Variants in RNGTT observed in about 807,000 individuals in gnomAD.
RNGTT encodes the protein mRNA-capping enzyme.
RNGTT carries 33 observed loss-of-function variants against 79.3 expected under a neutral mutation model. That is an observed-to-expected ratio of 0.42 (90% CI 0.32 to 0.56). The LOEUF (loss-of-function observed/expected upper bound fraction) is 0.56. Among genes scored for constraint, RNGTT ranks in the 20% least tolerant of loss-of-function variants. RNGTT has a pLI of 0.17. For missense variants in RNGTT, 497 were observed against 739.1 expected, an observed-to-expected ratio of 0.67 and a Z score of 3.80; for synonymous variants, 222 against 235.9, an observed-to-expected ratio of 0.94 and a Z score of 0.54.
At chr6:88,836,515 G>A (rs1183330011) in intron 11 of RNGTT, among the ~76,000 whole-genome samples, 1 of 152,106 alleles carries the variant, frequency 6.6e-6, no homozygotes, top group African/African-American at 2.4e-5. Flanking sequence ...GTCAAGGTGG[G>A]CAGACTGCTT....
intron 13 of RNGTT, among the ~76,000 whole-genome samples, chr6:88,711,671 C>T (rs1036780325): frequency 1.3e-5 from 2 of 152,136 alleles, no homozygotes; most frequent in Admixed American, 1.3e-4. Context: ...GCCTTTACCG[C>T]TAAGGAGTTT....
chr6:88,704,246 C>G (rs552167922), intron 13 of RNGTT, among the ~76,000 whole-genome samples: 1 of 105,642 alleles, frequency 9.5e-6, no homozygotes, highest in African/African-American at 3.8e-5. Context: ...GGTGACAGAG[C>G]GAGACTCTGT....
chr6:88,717,700 A>G (rs977740584), intron 13 of RNGTT, among the ~76,000 whole-genome samples: 1 of 152,164 alleles, frequency 6.6e-6, no homozygotes, highest in Admixed American at 6.5e-5. Flanking sequence ...GAAAAGCCCC[A>G]AGAAAAGCAT....
At chr6:88,953,537 G>A (rs1785327434) in intron 1 of RNGTT, among the ~76,000 whole-genome samples, 1 of 152,140 alleles carries the variant, frequency 6.6e-6, no homozygotes, top group Non-Finnish European at 1.5e-5. Flanking sequence ...ATAAAAGTTT[G>A]AAAAACTTAT....
At chr6:88,862,414 G>C (rs1225420735) in intron 8 of RNGTT, among the ~76,000 whole-genome samples, 1 of 152,196 alleles carries the variant, frequency 6.6e-6, no homozygotes, top group Non-Finnish European at 1.5e-5. Flanking sequence ...ACACGTGGAC[G>C]TTACTGGAGG....
intron 4 of RNGTT, among the ~76,000 whole-genome samples, chr6:88,927,853 G>C (rs1483734590): frequency 6.8e-6 from 1 of 147,286 alleles, no homozygotes; most frequent in Non-Finnish European, 1.5e-5. Context: ...AAAAAAGAAA[G>C]AAAAGGAAAC....
intron 8 of RNGTT, among the ~76,000 whole-genome samples, chr6:88,879,250 C>G (rs1782616313): frequency 6.6e-6 from 1 of 152,096 alleles, no homozygotes; most frequent in South Asian, 2.1e-4. Flanking sequence ...AAAAAATAGA[C>G]AGGTGTGGTG....
intron 8 of RNGTT, among the ~76,000 whole-genome samples, chr6:88,889,184 T>C (rs1782965010): frequency 1.3e-5 from 2 of 152,162 alleles, no homozygotes; most frequent in African/African-American, 2.4e-5. Context: ...CAAATGAATA[T>C]GTCTTACCTA....
At chr6:88,946,918 T>C (rs531958547) in intron 1 of RNGTT, among the ~76,000 whole-genome samples, 1 of 124,112 alleles carries the variant, frequency 8.1e-6, no homozygotes, top group South Asian at 3.1e-4. Context: ...GGTGCCGGGA[T>C]TGCAGACGGA....
chr6:88,614,467 C>T, intron 14 of RNGTT, 72 bp from the exon 15 acceptor site: 2 of 1,427,200 alleles, frequency 1.4e-6, no homozygotes. Context: ...ATGTGACAGG[C>T]ACATTAGGAA....
In RNGTT at chr6:88,963,333, C is replaced by G. The variant is rs1330827876; in HGVS notation, c.64+13G>C. The stretch of plus-strand genomic sequence containing the variant: ...GGAGTGTGGGGATTCGAACGCCCCC[C>G]AGTCCAGGTTACCTGCCACCGGCTG... On this transcript the variant is annotated intron_variant, in intron 1 of 15. Coordinates refer to ENST00000369485, the MANE Select transcript of RNGTT (RefSeq NM_003800.5). The G allele has an allele frequency of 1.1e-5, 18 of 1,612,008 alleles. No individual in the cohort carries two copies. In the Admixed American group the frequency reaches 2.8e-4, roughly 25 times the overall value.
chr6:88,925,064 C>G (rs1202513556), intron 4 of RNGTT, among the ~76,000 whole-genome samples: 1 of 151,790 alleles, frequency 6.6e-6, no homozygotes, highest in Non-Finnish European at 1.5e-5. Context: ...TTTTATGTGG[C>G]CAACTAGAAA....
intron 8 of RNGTT, among the ~76,000 whole-genome samples, chr6:88,856,313 C>T (rs532391137): frequency 1.3e-5 from 2 of 152,000 alleles, no homozygotes; most frequent in Non-Finnish European, 2.9e-5. Context: ...ATAATGATAA[C>T]TGAAATTATA....
At chr6:88,804,294 G>GC (rs1366418455) in intron 11 of RNGTT, among the ~76,000 whole-genome samples, 1 of 152,116 alleles carries the variant, frequency 6.6e-6, no homozygotes, top group Non-Finnish European at 1.5e-5. Flanking sequence ...TGAAACAAAT[G>GC]CCCCAAAGAT....
rs566706459 is a variant in RNGTT at position 88,794,236 on chromosome 6, G to A, written c.1338+7328C>T. ...TGCAGAGGACAAAACTCATGTTATTGTTTTAGGGAAGAATGGTGTTTGGAT... is the reference window on the plus strand; with the variant it reads ...TGCAGAGGACAAAACTCATGTTATTATTTTAGGGAAGAATGGTGTTTGGAT... On this transcript the variant is annotated intron_variant, in intron 12 of 15. Transcript: ENST00000369485. Among the ~76,000 whole-genome samples the A allele has an allele frequency of 9.9e-5, 15 of 152,284 alleles. No homozygotes were observed. In the South Asian group the frequency reaches 2.9e-3, roughly 29 times the overall value.
At chr6:88,808,024 T>C (rs1004833816) in intron 11 of RNGTT, among the ~76,000 whole-genome samples, 8 of 152,132 alleles carry the variant, frequency 5.3e-5, no homozygotes, top group Non-Finnish European at 1.0e-4. Context: ...ATAAAACATA[T>C]TTCCACCAAG....
intron 12 of RNGTT, among the ~76,000 whole-genome samples, chr6:88,773,637 T>A (rs1027298035): frequency 1.3e-5 from 2 of 151,860 alleles, no homozygotes; most frequent in Non-Finnish European, 2.9e-5. Flanking sequence ...AGAATAGAAT[T>A]AAGAGTACAT....
chr6:88,840,132 G>A (rs1582526985), intron 11 of RNGTT, among the ~76,000 whole-genome samples: 1 of 152,092 alleles, frequency 6.6e-6, no homozygotes, highest in Non-Finnish European at 1.5e-5. Flanking sequence ...TGAAAATGCT[G>A]TAAGGTTCGT....
chr6:88,922,270 G>A (rs1338505687), intron 4 of RNGTT, among the ~76,000 whole-genome samples: 1 of 151,804 alleles, frequency 6.6e-6, no homozygotes, highest in Non-Finnish European at 1.5e-5. Context: ...TATTTATGGG[G>A]TAGAGTGTGA....
Sources: gnomAD v4.1 joint callset for allele counts (sites outside exome capture counted in the v4.1 genomes callset) on GRCh38, gnomAD v4.1.1 for gene constraint, MANE v1.5 for transcripts, NCBI Gene and HGNC (gene_info 2026-07-23, HGNC 2026-07-21) for gene names.